DTHD1: variants seen among roughly 807,000 people sequenced by gnomAD.
The protein encoded by DTHD1 is death domain-containing protein 1.
A neutral mutation model predicts 74.8 loss-of-function variants in DTHD1; 59 were observed. The observed-to-expected ratio is 0.79, with a 90% CI of 0.64 to 0.98. DTHD1 has a LOEUF of 0.98. DTHD1 is among the 50% of genes least tolerant of loss of function. DTHD1 has a pLI of 0.00. For missense variants in DTHD1, 1,051 were observed against 1,065.4 expected, an observed-to-expected ratio of 0.99 and a Z score of 0.19; for synonymous variants, 365 against 371.1, an observed-to-expected ratio of 0.98 and a Z score of 0.19.
chr4:36,310,494 G>A (rs886517648), intron 7 of DTHD1, among the ~76,000 whole-genome samples: 2 of 152,196 alleles, frequency 1.3e-5, no homozygotes, highest in Non-Finnish European at 2.9e-5. Flanking sequence ...AATGAGGTGA[G>A]AGGGAAAATT....
At chr4:36,312,384 A>C (rs1427557899) in intron 7 of DTHD1, among the ~76,000 whole-genome samples, 1 of 152,058 alleles carries the variant, frequency 6.6e-6, no homozygotes, top group Non-Finnish European at 1.5e-5. Context: ...TTTGCTCAAC[A>C]AAAATTTGTT....
chr4:36,293,030 G>T (rs1201452757), intron 3 of DTHD1, among the ~76,000 whole-genome samples: 1 of 152,154 alleles, frequency 6.6e-6, no homozygotes, highest in Non-Finnish European at 1.5e-5. Flanking sequence ...CTTTATTTGG[G>T]GAACCTAAGA....
chr4:36,304,527 C>A (rs1578454219), intron 5 of DTHD1, among the ~76,000 whole-genome samples: 1 of 152,264 alleles, frequency 6.6e-6, no homozygotes, highest in East Asian at 1.9e-4. Flanking sequence ...TGGTTTTTAA[C>A]TTCTAGTTAA....
intron 8 of DTHD1, among the ~76,000 whole-genome samples, chr4:36,337,483 T>C (rs1233054850): frequency 6.6e-6 from 1 of 152,230 alleles, no homozygotes; most frequent in Admixed American, 6.5e-5. Context: ...ATGTATCTCT[T>C]GTCCAAGGCC....
chr4:36,286,703 G>A (rs1578433116), intron 2 of DTHD1, among the ~76,000 whole-genome samples: 1 of 152,210 alleles, frequency 6.6e-6, no homozygotes, highest in East Asian at 1.9e-4. Context: ...AGATGGTATA[G>A]CCTACTGCAC....
intron 8 of DTHD1, among the ~76,000 whole-genome samples, chr4:36,320,953 C>T (rs924268138): frequency 4.6e-5 from 7 of 152,082 alleles, no homozygotes; most frequent in Admixed American, 2.6e-4. Flanking sequence ...TGTATCTAGG[C>T]ATAGAACCAC....
chr4:36,335,812 T>C (rs13129845), intron 8 of DTHD1, among the ~76,000 whole-genome samples: 33,976 of 152,066 alleles, frequency 0.22, 4,411 homozygotes, highest in Non-Finnish European at 0.29. Flanking sequence ...TGAGTTCAAG[T>C]AAAAAATGGT....
intron 8 of DTHD1, among the ~76,000 whole-genome samples, chr4:36,325,784 G>T (rs575100628): frequency 2.6e-5 from 4 of 152,184 alleles, no homozygotes; most frequent in Non-Finnish European, 5.9e-5. Flanking sequence ...TACTTTGGAA[G>T]TGTTGTTTAA....
intron 4 of DTHD1, 65 bp downstream of exon 4, chr4:36,293,770 A>G: frequency 2.3e-6 from 3 of 1,329,260 alleles, no homozygotes; most frequent in Non-Finnish European, 3.0e-6. Context: ...GCATGGTTCT[A>G]AACAACAAAG....
rs2109590957 is a variant in DTHD1, at chr4:36,344,581, G to A, written c.*757G>A. 6.6e-6 allele frequency: 1 copy of A among 152,338 alleles called. No homozygotes were observed. Among genetic ancestry groups the A allele is most frequent in the South Asian group, 2.1e-4 (1 of 4,824 alleles). 9.4% of individuals were successfully genotyped at this position (152,338 alleles called of 1,614,324 possible). On this transcript the variant is annotated 3_prime_UTR_variant, in exon 10 of 10. Coordinates refer to ENST00000639862, the MANE Select transcript of DTHD1 (RefSeq NM_001170700.3). ...TTTATAATGCAGATGAAGCCTCCAG[G>A]TAGCAGACTTTAGAGGGAATAGATT... is the stretch of plus-strand genomic sequence containing the variant.
chr4:36,327,598 G>C (rs372286032), intron 8 of DTHD1, among the ~76,000 whole-genome samples: 2 of 152,132 alleles, frequency 1.3e-5, no homozygotes, highest in Non-Finnish European at 2.9e-5. Flanking sequence ...TTTATGGAGC[G>C]CTTGCATGTT....
At chr4:36,285,091 C>G (rs1356374257) in intron 2 of DTHD1, among the ~76,000 whole-genome samples, 1 of 152,116 alleles carries the variant, frequency 6.6e-6, no homozygotes, top group Non-Finnish European at 1.5e-5. Context: ...TAAATCACTC[C>G]TATAAAAATT....
rs550302864 is a variant in DTHD1, at chr4:36,307,925, G to C, written c.1806-279G>C. Among the ~76,000 whole-genome samples, 5 of 152,180 alleles carry C rather than the reference G, an allele frequency of 3.3e-5. No individual in the cohort carries two copies. In the East Asian group the frequency reaches 5.8e-4, roughly 18 times the overall value. On this transcript the variant is annotated intron_variant, in intron 6 of 9. Transcript: ENST00000639862. ...GAGTTTTGCCATGTTGCCCAGGCTG[G>C]TGTTGAACTTCTGGGCTCAAGCGAT...
At chr4:36,298,173 C>G (rs1756555331) in intron 5 of DTHD1, among the ~76,000 whole-genome samples, 1 of 152,016 alleles carries the variant, frequency 6.6e-6, no homozygotes, top group Non-Finnish European at 1.5e-5. Context: ...ATATCCTAAG[C>G]TCTCTAGGAG....
chr4:36,321,983 C>A (rs1364644907), intron 8 of DTHD1, among the ~76,000 whole-genome samples: 1 of 151,762 alleles, frequency 6.6e-6, no homozygotes, highest in East Asian at 1.9e-4. Flanking sequence ...CATCAGATAT[C>A]TGCATGTCTG....
chr4:36,316,360 C>G lies in DTHD1; in HGVS notation c.2214C>G (p.Tyr738Ter), dbSNP rs1757731774. Residue 738 changes from tyrosine to a stop codon, truncating the protein, a stop_gained, in exon 8 of 10, where the codon TAC (tyrosine) becomes TAG (stop). Coordinates refer to ENST00000639862, the MANE Select transcript of DTHD1 (RefSeq NM_001170700.3). LOFTEE classifies it high-confidence loss of function. Reference protein sequence around the residue: ...DEFGNYSCPHYKGTIVVYKVP... With the variant: ...DEFGNYSCPH Reference sequence around the variant, plus strand: ...TTGGAAACTATAGTTGCCCTCATTACAAAGGCACCATTGTCGTTTATAAAG... The same window carrying G: ...TTGGAAACTATAGTTGCCCTCATTAGAAAGGCACCATTGTCGTTTATAAAG... The G allele has an allele frequency of 1.2e-5, 18 of 1,552,038 alleles. No individual in the cohort carries two copies. Among genetic ancestry groups the G allele is most frequent in the Non-Finnish European group, 1.4e-5 (16 of 1,147,076 alleles).
intron 8 of DTHD1, among the ~76,000 whole-genome samples, chr4:36,325,776 C>G (rs1455263473): frequency 6.6e-6 from 1 of 152,148 alleles, no homozygotes. Flanking sequence ...GTTGATTTTA[C>G]TTTGGAAGTG....
chr4:36,306,135 A>G, intron 5 of DTHD1, 56 bp from the exon 6 acceptor site: 1 of 1,438,248 alleles, frequency 7.0e-7, no homozygotes, highest in Non-Finnish European at 9.4e-7. Context: ...GAATGCATTA[A>G]ATAAGATTTA....
Position 36,282,851 on chromosome 4 carries a change from G to T in DTHD1, c.271+822G>T, listed in dbSNP as rs182915766. 1.9e-3 allele frequency among the ~76,000 whole-genome samples: 287 copies of T among 152,306 alleles called. 1 individual carries two copies. Among genetic ancestry groups the T allele is most frequent in the African/African-American group, 6.6e-3 (273 of 41,564 alleles). Reference sequence around the variant, plus strand: ...AGGCAGCATGACTGAGAAGCCATCAGCTGCAGCCCACAATGAGACCTTTAG... The same window carrying T: ...AGGCAGCATGACTGAGAAGCCATCATCTGCAGCCCACAATGAGACCTTTAG... On this transcript the variant is annotated intron_variant, in intron 1 of 9. Coordinates refer to ENST00000639862, the MANE Select transcript of DTHD1 (RefSeq NM_001170700.3).
Sources: gnomAD v4.1 joint callset for allele counts (sites outside exome capture counted in the v4.1 genomes callset) on GRCh38, gnomAD v4.1.1 for gene constraint, MANE v1.5 for transcripts, NCBI Gene and HGNC (gene_info 2026-07-23, HGNC 2026-07-21) for gene names.